NOX4: variants seen among roughly 807,000 people sequenced by gnomAD.
NOX4 encodes the protein kidney oxidase-1.
NOX4 carries 69 observed loss-of-function variants against 87.6 expected under a neutral mutation model. The ratio of observed to expected loss-of-function variants is 0.79; its 90% CI spans 0.65 to 0.96. The LOEUF is 0.96. NOX4 is among the 40% of genes least tolerant of loss of function. The probability of loss-of-function intolerance (pLI) is 0.00; values close to 1 mark genes in which losing one functional copy is unlikely to be tolerated. For synonymous variants in NOX4, 275 were observed against 238.2 expected (o/e 1.15, Z -1.42); for missense variants, 680 against 681.5 (o/e 1.00, Z 0.02).
At chr11:89,329,080 A>C (rs1945341217) in intron 17 of NOX4, among the ~76,000 whole-genome samples, 1 of 152,062 alleles carries the variant, frequency 6.6e-6, no homozygotes, top group Admixed American at 6.6e-5. Flanking sequence ...GGCATTCAAC[A>C]GAAACAGGCT....
chr11:89,570,180 A>G, the NOX4 span, among the ~76,000 whole-genome samples: 3 of 152,256 alleles, frequency 2.0e-5, no homozygotes, highest in South Asian at 6.2e-4. Flanking sequence ...GTCATAAAAA[A>G]GAACGAAGTC....
intron 11 of NOX4, among the ~76,000 whole-genome samples, chr11:89,387,111 T>C (rs1940768842): frequency 6.6e-6 from 1 of 152,064 alleles, no homozygotes. Flanking sequence ...TATCTCTCCA[T>C]ACCACCCCCA....
At chr11:89,486,697 CATATATGTGTGTAT>C in intron 2 of NOX4, among the ~76,000 whole-genome samples, 1 of 20,596 alleles carries the variant, frequency 4.9e-5, no homozygotes, top group African/African-American at 1.7e-4. Context: ...TGTATATATA[CATATATGTGTGTAT>C]ATATGTGTAT....
chr11:89,386,908 C>A (rs1940751541), intron 11 of NOX4, among the ~76,000 whole-genome samples: 1 of 152,136 alleles, frequency 6.6e-6, no homozygotes, highest in African/African-American at 2.4e-5. Flanking sequence ...CTTGTGTCTT[C>A]TGTTTAGTTT....
At chr11:89,492,391 T>C (rs1029181629), upstream of NOX4, among the ~76,000 whole-genome samples, 11 of 152,216 alleles carry the variant, frequency 7.2e-5, no homozygotes, top group African/African-American at 2.2e-4. Context: ...CGAATGGCTT[T>C]TAAACTCTTA....
the NOX4 span, among the ~76,000 whole-genome samples, chr11:89,564,369 G>T: frequency 6.6e-6 from 1 of 152,116 alleles, no homozygotes; most frequent in Non-Finnish European, 1.5e-5. Flanking sequence ...GAGAGCAAAG[G>T]GGAAGGTGCT....
rs529338624 is a variant in NOX4 at position 89,372,010 on chromosome 11, T to C, written c.1135+1422A>G. On this transcript the variant is annotated intron_variant, in intron 12 of 17. Coordinates refer to ENST00000263317, the MANE Select transcript of NOX4 (RefSeq NM_016931.5). ...ACCAATATTATTTTTTTTAACTCTA[T>C]GAAATAACCTCCTTATATAAACTAT... 7.9e-4 allele frequency among the ~76,000 whole-genome samples: 120 copies of C among 152,032 alleles called. 3 individuals are homozygous for C. The Middle Eastern group carries it at 0.01, about 13-fold the overall frequency.
At chr11:89,369,143 A>C (rs1197502355) in intron 12 of NOX4, among the ~76,000 whole-genome samples, 1 of 152,104 alleles carries the variant, frequency 6.6e-6, no homozygotes, top group Non-Finnish European at 1.5e-5. Context: ...GTAACAGTGC[A>C]GATCCAGGCA....
Position 89,341,164 on chromosome 11 carries a change from C to T in NOX4, c.1337+910G>A, listed in dbSNP as rs547141035. Reference sequence around the variant, plus strand: ...TTTTGGCAGAGTCTCGCTCTGTCACCGAGACTGGAGTGCAGTGGCGCCATC... The same window carrying T: ...TTTTGGCAGAGTCTCGCTCTGTCACTGAGACTGGAGTGCAGTGGCGCCATC... On this transcript the variant is annotated intron_variant, in intron 14 of 17. Transcript: ENST00000263317. 6.5e-4 allele frequency among the ~76,000 whole-genome samples: 96 copies of T among 147,516 alleles called. 1 individual carries two copies. The highest frequency in any genetic ancestry group is 5.1e-3 in the South Asian group (23 of 4,488).
chr11:89,491,162 G>A, intron 1 of NOX4, 28 bp downstream of exon 1: 2 of 1,608,144 alleles, frequency 1.2e-6, no homozygotes, highest in South Asian at 1.1e-5. Flanking sequence ...CAGAGAGAAC[G>A]CAAGGAGAGC....
At chr11:89,587,373 G>A in the NOX4 span, among the ~76,000 whole-genome samples, 3 of 152,146 alleles carry the variant, frequency 2.0e-5, no homozygotes, top group African/African-American at 7.2e-5. Context: ...AAAATGGCGA[G>A]TTTCAGATAG....
At chr11:89,516,897 A>G in the NOX4 span, among the ~76,000 whole-genome samples, 1 of 152,144 alleles carries the variant, frequency 6.6e-6, no homozygotes, top group East Asian at 1.9e-4. Flanking sequence ...AGCCTTAAAC[A>G]TGCAATGCTT....
intron 11 of NOX4, among the ~76,000 whole-genome samples, chr11:89,392,198 T>C (rs1323788799): frequency 6.6e-6 from 1 of 152,120 alleles, no homozygotes; most frequent in Non-Finnish European, 1.5e-5. Context: ...AGAAAAACTA[T>C]GATGGATATA....
chr11:89,576,323 G>C, the NOX4 span, among the ~76,000 whole-genome samples: 8 of 152,036 alleles, frequency 5.3e-5, no homozygotes, highest in African/African-American at 1.7e-4. Flanking sequence ...GTGTCCCTGG[G>C]GTACAAATAT....
chr11:89,338,508 A>T (rs1231814393), intron 15 of NOX4, among the ~76,000 whole-genome samples: 1 of 152,054 alleles, frequency 6.6e-6, no homozygotes, highest in African/African-American at 2.4e-5. Flanking sequence ...ACATACCTAG[A>T]ACCAATGTTT....
intron 2 of NOX4, among the ~76,000 whole-genome samples, chr11:89,472,576 T>C (rs1220195312): frequency 2.6e-5 from 4 of 152,158 alleles, no homozygotes; most frequent in Non-Finnish European, 5.9e-5. Flanking sequence ...CATTCTTCCA[T>C]TTTCAGTGGG....
At chr11:89,569,027 T>G in the NOX4 span, among the ~76,000 whole-genome samples, 1 of 152,152 alleles carries the variant, frequency 6.6e-6, no homozygotes, top group Non-Finnish European at 1.5e-5. Context: ...GGTTAAAGAC[T>G]TAATGAGTTA....
In NOX4 at chr11:89,440,724, AAG is replaced by A; in HGVS notation, c.448-11_448-10del. 6.7e-7 allele frequency: 1 copy of A among 1,490,344 alleles called. No individual in the cohort carries two copies. Among genetic ancestry groups the A allele is most frequent in the Non-Finnish European group, 9.2e-7 (1 of 1,083,266 alleles). 92.3% of individuals were successfully genotyped at this position (1,490,344 alleles called of 1,614,324 possible). A position where few individuals can be genotyped will look rare whatever the true frequency, so the allele number is the denominator to read the frequency against. ...AGAAGTTTTCTAGGATCCTGAGAAA[AAG>A]AAAAAAAAATAAATGATTAAAAACT... is the stretch of plus-strand genomic sequence containing the variant. On this transcript the variant is annotated splice_polypyrimidine_tract_variant and intron_variant, in intron 5 of 17. Transcript: ENST00000263317.
intron 2 of NOX4, among the ~76,000 whole-genome samples, chr11:89,466,529 T>C (rs1257762906): frequency 6.6e-6 from 1 of 152,222 alleles, no homozygotes; most frequent in Non-Finnish European, 1.5e-5. Context: ...AACATTGGTC[T>C]GTACTTTTAA....
Sources: allele counts gnomAD v4.1 joint callset (sites outside exome capture counted in the v4.1 genomes callset), GRCh38; gene constraint gnomAD v4.1.1; transcripts MANE v1.5; gene names NCBI Gene and HGNC (gene_info 2026-07-23, HGNC 2026-07-21).